The following MBD5 variants were observed in gnomAD, a reference collection of about 807,000 sequenced individuals.
MBD5 encodes the protein methyl-CpG binding domain protein 5.
Under a neutral mutation model 117.3 loss-of-function variants are expected in MBD5, and 13 were observed. That is an observed-to-expected ratio of 0.11 (90% CI 0.07 to 0.18). The LOEUF (loss-of-function observed/expected upper bound fraction) is 0.18, where lower values mean the gene tolerates loss of function less well. Ranked by LOEUF, MBD5 falls within the 10% of genes least tolerant of loss-of-function variation. The pLI, the probability that MBD5 is intolerant of heterozygous loss-of-function variation, is 1.00. For synonymous variants in MBD5, 727 were observed against 766.4 expected, an observed-to-expected ratio of 0.95 and a Z score of 0.85; for missense variants, 1,879 against 2,093.8, an observed-to-expected ratio of 0.90 and a Z score of 2.00.
intron 8 of MBD5, among the ~76,000 whole-genome samples, chr2:148,475,743 C>T (rs1422038097): frequency 1.3e-5 from 2 of 152,082 alleles, no homozygotes; most frequent in African/African-American, 2.4e-5. Context: ...AGTTGCAAAA[C>T]GTACCCAGAT....
chr2:148,188,095 A>T (rs1376060155), intron 2 of MBD5, among the ~76,000 whole-genome samples: 1 of 152,232 alleles, frequency 6.6e-6, no homozygotes, highest in East Asian at 1.9e-4. Context: ...TGCCTACCCG[A>T]TGCTCAAAGG....
At chr2:148,430,172 AATTTAGTGCTTACT>A (rs1479873283) in intron 4 of MBD5, among the ~76,000 whole-genome samples, 1 of 152,146 alleles carries the variant, frequency 6.6e-6, no homozygotes, top group East Asian at 1.9e-4. Context: ...ACAATTAATG[AATTTAGTGCTTACT>A]ATTTAGTGCT....
At chr2:148,507,665 C>T (rs2105261414) in intron 12 of MBD5, among the ~76,000 whole-genome samples, 1 of 150,812 alleles carries the variant, frequency 6.6e-6, no homozygotes, top group East Asian at 2.0e-4. Flanking sequence ...GGGGCTGAGA[C>T]AGGAGAATGG....
intron 4 of MBD5, among the ~76,000 whole-genome samples, chr2:148,394,765 G>T (rs1574376251): frequency 6.6e-6 from 1 of 151,022 alleles, no homozygotes; most frequent in South Asian, 2.1e-4. Context: ...CTTTGTGCTT[G>T]CTCTGTGCCT....
At chr2:148,078,053 G>A (rs1030547271) in intron 1 of MBD5, among the ~76,000 whole-genome samples, 5 of 152,024 alleles carry the variant, frequency 3.3e-5, no homozygotes, top group Non-Finnish European at 5.9e-5. Flanking sequence ...AGATGGCCTT[G>A]GTAAAGGACA....
intron 4 of MBD5, among the ~76,000 whole-genome samples, chr2:148,379,227 A>C (rs915085429): frequency 6.6e-6 from 1 of 152,128 alleles, no homozygotes; most frequent in African/African-American, 2.4e-5. Flanking sequence ...AACACAGGTC[A>C]TCAAATACAA....
At chr2:148,489,302 G>C in intron 10 of MBD5, 84 bp from the exon 11 acceptor site, 1 of 1,527,036 alleles carries the variant, frequency 6.5e-7, no homozygotes, top group Non-Finnish European at 9.0e-7. Context: ...TTGTCTTTTG[G>C]TAAATTTTAA....
In MBD5 at chr2:148,218,699, T is replaced by G. The variant is rs73011215; in HGVS notation, c.-830-14546T>G. ...TAGGTTACAAACCTGTGCAGCATAT[T>G]ATTGTACTGAATACTGTAGAGAATT... On this transcript the variant is annotated intron_variant, in intron 2 of 13. Coordinates refer to ENST00000642680, the MANE Select transcript of MBD5 (RefSeq NM_001378120.1). Among the ~76,000 whole-genome samples the G allele has an allele frequency of 3.7e-3, 564 of 152,362 alleles. 3 individuals are homozygous for G. The highest frequency in any genetic ancestry group is 0.013 in the African/African-American group (524 of 41,584).
At chr2:148,113,180 A>C (rs1696543180) in intron 1 of MBD5, among the ~76,000 whole-genome samples, 2 of 152,090 alleles carry the variant, frequency 1.3e-5, no homozygotes, top group African/African-American at 4.8e-5. Flanking sequence ...CAAACTCCTA[A>C]TACTTGAGGT....
chr2:148,247,906 A>C (rs1345239395), intron 3 of MBD5, among the ~76,000 whole-genome samples: 1 of 152,182 alleles, frequency 6.6e-6, no homozygotes, highest in African/African-American at 2.4e-5. Flanking sequence ...CTCATGATAA[A>C]CAACTAAAAA....
chr2:148,282,890 G>A (rs1299043143), intron 3 of MBD5, among the ~76,000 whole-genome samples: 1 of 110,132 alleles, frequency 9.1e-6, no homozygotes, highest in Non-Finnish European at 1.9e-5. Context: ...TGACTTTTAA[G>A]ACTTAACCGC....
At chr2:148,069,507 T>G (rs182277681) in intron 1 of MBD5, among the ~76,000 whole-genome samples, 4 of 152,262 alleles carry the variant, frequency 2.6e-5, no homozygotes, top group Admixed American at 2.6e-4. Flanking sequence ...TTTCTAGATT[T>G]AACATTTATA....
chr2:148,405,061 A>G (rs930995511), intron 4 of MBD5, among the ~76,000 whole-genome samples: 1 of 152,132 alleles, frequency 6.6e-6, no homozygotes, highest in Admixed American at 6.5e-5. Flanking sequence ...TTTGTCACAT[A>G]GCTTTTCATT....
At chr2:148,484,210 C>G in intron 9 of MBD5, 75 bp downstream of exon 9, 1 of 1,244,198 alleles carries the variant, frequency 8.0e-7, no homozygotes, top group East Asian at 2.6e-5. Context: ...TTTAAAAACT[C>G]CATTTTGTCA....
chr2:148,468,534 C>T lies in MBD5; in HGVS notation c.591C>T (p.Val197=). 2 of 1,613,934 alleles carry T rather than the reference C, an allele frequency of 1.2e-6. No homozygotes were observed. The highest frequency in any genetic ancestry group is 1.7e-6 in the Non-Finnish European group (2 of 1,179,878). The part of the protein sequence containing the change: ...PGSQQQELHP[V]YPRQRLGSSE... ...GCCAACAACAAGAACTCCACCCTGT[C>T]TACCCCCGACAGAGATTGGGCAGCA... is the stretch of plus-strand genomic sequence containing the variant. The change falls in exon 8 of 14, where the codon GTC becomes GTT. Residue 197 remains valine (V), a synonymous_variant. Transcript: ENST00000642680.
chr2:148,508,720 G>C lies in MBD5; in HGVS notation c.5037-1340G>C, dbSNP rs116500373. 1.0e-2 allele frequency among the ~76,000 whole-genome samples: 1,520 copies of C among 152,270 alleles called. 32 individuals are homozygous for C. The highest frequency in any genetic ancestry group is 0.034 in the African/African-American group (1,397 of 41,542). Reference sequence around the variant, plus strand: ...GATGCCATATTCCCCTTATAATTTGGTTAAAACCAATACACTAATTTTTCC... The same window carrying C: ...GATGCCATATTCCCCTTATAATTTGCTTAAAACCAATACACTAATTTTTCC... On this transcript the variant is annotated intron_variant, in intron 12 of 13. Coordinates refer to ENST00000642680, the MANE Select transcript of MBD5 (RefSeq NM_001378120.1).
At chr2:148,307,077 A>G (rs1239649574) in intron 3 of MBD5, among the ~76,000 whole-genome samples, 1 of 152,144 alleles carries the variant, frequency 6.6e-6, no homozygotes, top group Non-Finnish European at 1.5e-5. Context: ...TAAAAGTTGG[A>G]ACACTTGATT....
At chr2:148,058,260 A>T (rs1353666581) in intron 1 of MBD5, among the ~76,000 whole-genome samples, 1 of 151,964 alleles carries the variant, frequency 6.6e-6, no homozygotes, top group African/African-American at 2.4e-5. Flanking sequence ...ACTCACAGAA[A>T]CCCTACAAAT....
At chr2:148,274,329 A>G (rs1701051880) in intron 3 of MBD5, among the ~76,000 whole-genome samples, 1 of 151,980 alleles carries the variant, frequency 6.6e-6, no homozygotes, top group Non-Finnish European at 1.5e-5. Flanking sequence ...TGCTGCACCC[A>G]TCAACCCATC....
Sources: gnomAD v4.1 joint callset for allele counts (sites outside exome capture counted in the v4.1 genomes callset) on GRCh38, gnomAD v4.1.1 for gene constraint, MANE v1.5 for transcripts, NCBI Gene and HGNC (gene_info 2026-07-23, HGNC 2026-07-21) for gene names.